ITPR1: variants seen among roughly 807,000 people sequenced by gnomAD.
ITPR1 encodes inositol 1,4,5-trisphosphate receptor type 1, also known as inositol 1,4,5-trisphosphate-gated calcium channel ITPR1.
ITPR1 carries 96 observed loss-of-function variants against 318.4 expected under a neutral mutation model. The observed-to-expected ratio is 0.30, with a 90% CI of 0.26 to 0.36. The LOEUF (loss-of-function observed/expected upper bound fraction) is 0.36, where lower values mean the gene tolerates loss of function less well. ITPR1 is among the 10% of genes least tolerant of loss of function. ITPR1 has a pLI of 1.00. For synonymous variants in ITPR1, 1,312 were observed against 1,289.9 expected (o/e 1.02, Z -0.37); for missense variants, 2,440 against 3,460.2 (o/e 0.71, Z 7.40).
intron 58 of ITPR1, 109 bp from the exon 59 acceptor site, chr3:4,814,944 A>G (rs1344139085): frequency 1.1e-5 from 10 of 932,894 alleles, no homozygotes; most frequent in East Asian, 9.7e-5. Context: ...TGAATGCCCA[A>G]TTTAATTTCT....
chr3:4,819,176 C>T (rs2049511464), intron 60 of ITPR1, among the ~76,000 whole-genome samples: 1 of 152,202 alleles, frequency 6.6e-6, no homozygotes, highest in South Asian at 2.1e-4. Context: ...TCATCATTGA[C>T]AGGCCTAGAG....
intron 4 of ITPR1, among the ~76,000 whole-genome samples, chr3:4,626,634 A>T (rs2125127218): frequency 6.6e-6 from 1 of 152,314 alleles, no homozygotes; most frequent in East Asian, 1.9e-4. Context: ...AAGACAATGT[A>T]TAAAGTTGTA....
chr3:4,842,851 T>C (rs1178745358), intron 61 of ITPR1, among the ~76,000 whole-genome samples: 1 of 152,170 alleles, frequency 6.6e-6, no homozygotes, highest in African/African-American at 2.4e-5. Flanking sequence ...TTTGTTTTGA[T>C]GTAGGTAAGA....
intron 60 of ITPR1, among the ~76,000 whole-genome samples, chr3:4,823,647 AAC>A (rs1447703276): frequency 1.3e-5 from 2 of 152,228 alleles, no homozygotes; most frequent in Non-Finnish European, 2.9e-5. Context: ...AAAGATAGAT[AAC>A]AGAGACTGGG....
chr3:4,782,967 C>G (rs886653188), intron 50 of ITPR1, among the ~76,000 whole-genome samples: 4 of 152,158 alleles, frequency 2.6e-5, no homozygotes, highest in Non-Finnish European at 5.9e-5. Context: ...TGGAAATCCC[C>G]GTGTTTCTTA....
At chr3:4,642,345 A>G (rs1464293307) in intron 7 of ITPR1, 94 bp downstream of exon 7, 7 of 980,070 alleles carry the variant, frequency 7.1e-6, no homozygotes, top group Non-Finnish European at 9.8e-6. Context: ...GAAAGTTGGA[A>G]CCAGAGGCTT....
chr3:4,524,663 T>C (rs968767359), intron 4 of ITPR1, among the ~76,000 whole-genome samples: 17 of 152,244 alleles, frequency 1.1e-4, no homozygotes, highest in African/African-American at 3.9e-4. Flanking sequence ...TAACCTGTTC[T>C]TAAGTAAATG....
At chr3:4,702,755 C>G in intron 35 of ITPR1, 75 bp from the exon 36 acceptor site, 2 of 1,476,582 alleles carry the variant, frequency 1.4e-6, no homozygotes, top group Non-Finnish European at 1.9e-6. Context: ...GACAATGTCT[C>G]TGTCTCTGAT....
At chr3:4,567,875 G>T (rs1483357031) in intron 4 of ITPR1, among the ~76,000 whole-genome samples, 1 of 152,160 alleles carries the variant, frequency 6.6e-6, no homozygotes, top group Non-Finnish European at 1.5e-5. Context: ...CAGTGTGGGG[G>T]TTACAGGTGT....
At chr3:4,527,159 C>G (rs1313489566) in intron 4 of ITPR1, among the ~76,000 whole-genome samples, 1 of 152,134 alleles carries the variant, frequency 6.6e-6, no homozygotes, top group African/African-American at 2.4e-5. Context: ...CTTCCAAAGG[C>G]TGGGCCCAGT....
chr3:4,701,567 C>T (rs2125263900), intron 35 of ITPR1, among the ~76,000 whole-genome samples: 1 of 152,306 alleles, frequency 6.6e-6, no homozygotes, highest in Admixed American at 6.5e-5. Context: ...CTGAAGAAGG[C>T]AATGAGATTC....
chr3:4,649,857 A>G (rs1333765447), intron 10 of ITPR1, among the ~76,000 whole-genome samples: 1 of 152,134 alleles, frequency 6.6e-6, no homozygotes, highest in Non-Finnish European at 1.5e-5. Flanking sequence ...GGTCTGTTTT[A>G]TAAGGGCAGT....
chr3:4,681,072 A>G (rs950802716), intron 25 of ITPR1, among the ~76,000 whole-genome samples: 1 of 152,168 alleles, frequency 6.6e-6, no homozygotes, highest in Non-Finnish European at 1.5e-5. Flanking sequence ...ACTAGTGGTG[A>G]CGGGAGATGG....
chr3:4,548,304 C>A (rs1006716522), intron 4 of ITPR1, among the ~76,000 whole-genome samples: 3 of 152,170 alleles, frequency 2.0e-5, no homozygotes, highest in African/African-American at 7.2e-5. Flanking sequence ...GTTGGTTATA[C>A]ATTTGGATTT....
intron 13 of ITPR1, among the ~76,000 whole-genome samples, chr3:4,659,184 ATTAGTTGTGTTT>A (rs1234394997): frequency 5.6e-4 from 86 of 152,290 alleles, no homozygotes; most frequent in Non-Finnish European, 5.9e-5. Context: ...CTCGTGAAGT[ATTAGTTGTGTTT>A]CATCCATTCA....
chr3:4,840,182 TAA>T (rs2051239540), intron 61 of ITPR1, among the ~76,000 whole-genome samples: 2 of 152,236 alleles, frequency 1.3e-5, no homozygotes, highest in South Asian at 2.1e-4. Context: ...TGAATTTCAT[TAA>T]GTTTGGTTAT....
At chr3:4,717,137 G>A (rs2041828289) in intron 39 of ITPR1, among the ~76,000 whole-genome samples, 1 of 152,200 alleles carries the variant, frequency 6.6e-6, no homozygotes, top group South Asian at 2.1e-4. Flanking sequence ...GAGGTCTGAT[G>A]CCTGATATGT....
At chr3:4,621,390 T>C (rs2092626212) in intron 4 of ITPR1, among the ~76,000 whole-genome samples, 1 of 152,156 alleles carries the variant, frequency 6.6e-6, no homozygotes, top group Admixed American at 6.5e-5. Context: ...TCACTCAGTA[T>C]CATGAGCACA....
chr3:4,689,467 C>T (rs1254145977), intron 31 of ITPR1, among the ~76,000 whole-genome samples: 3 of 152,184 alleles, frequency 2.0e-5, no homozygotes, highest in Admixed American at 6.5e-5. Context: ...ATGCTCAAAG[C>T]AAACACTCAT....
Sources: allele counts gnomAD v4.1 joint callset (sites outside exome capture counted in the v4.1 genomes callset), GRCh38; gene constraint gnomAD v4.1.1; transcripts MANE v1.5; gene names NCBI Gene and HGNC (gene_info 2026-07-23, HGNC 2026-07-21).